CSMD3: variants seen among roughly 807,000 people sequenced by gnomAD.
CSMD3 encodes CUB and Sushi multiple domains 3, also known as CUB and sushi domain-containing protein 3.
A neutral mutation model predicts 435.2 loss-of-function variants in CSMD3; 177 were observed. The observed-to-expected ratio is 0.41, with a 90% CI of 0.36 to 0.46. CSMD3 has a LOEUF of 0.46. CSMD3 is among the 20% of genes least tolerant of loss of function. The pLI is 0.34. For missense variants in CSMD3, 4,265 were observed against 4,504.6 expected, an observed-to-expected ratio of 0.95 and a Z score of 1.52; for synonymous variants, 1,656 against 1,520.5, an observed-to-expected ratio of 1.09 and a Z score of -2.07.
chr8:112,722,338 T>A (rs1337070177), intron 13 of CSMD3, among the ~76,000 whole-genome samples: 4 of 152,170 alleles, frequency 2.6e-5, no homozygotes, highest in Admixed American at 2.6e-4. Context: ...AAACTGGGTA[T>A]ATTGAAAATG....
chr8:112,925,124 T>C (rs576100499), intron 9 of CSMD3, among the ~76,000 whole-genome samples: 13 of 152,286 alleles, frequency 8.5e-5, no homozygotes, highest in African/African-American at 3.1e-4. Flanking sequence ...CTCCCTAACA[T>C]GAACCTTATG....
chr8:113,111,302 A>C (rs895570060), intron 4 of CSMD3, among the ~76,000 whole-genome samples: 5 of 152,200 alleles, frequency 3.3e-5, no homozygotes, highest in Admixed American at 6.5e-5. Flanking sequence ...GGGATAATTA[A>C]ATCAAGCCAA....
chr8:112,936,974 G>A (rs1194546163), intron 9 of CSMD3, among the ~76,000 whole-genome samples: 1 of 151,892 alleles, frequency 6.6e-6, no homozygotes, highest in African/African-American at 2.4e-5. Context: ...TGCAATTACA[G>A]CTTGTTTTCT....
intron 3 of CSMD3, among the ~76,000 whole-genome samples, chr8:113,253,138 G>A (rs1440916798): frequency 6.6e-6 from 1 of 152,044 alleles, no homozygotes; most frequent in East Asian, 1.9e-4. Flanking sequence ...CCAGGACTGA[G>A]ATTGATCCTG....
intron 53 of CSMD3, among the ~76,000 whole-genome samples, chr8:112,296,284 G>T (rs2130719520): frequency 6.6e-6 from 1 of 152,204 alleles, no homozygotes; most frequent in South Asian, 2.1e-4. Context: ...TGGGCACGGT[G>T]GTTCACGCCT....
At chr8:112,935,938 G>A (rs2083269524) in intron 9 of CSMD3, among the ~76,000 whole-genome samples, 1 of 152,054 alleles carries the variant, frequency 6.6e-6, no homozygotes. Flanking sequence ...CATTAGGAAG[G>A]TTTCAGTTGA....
intron 16 of CSMD3, among the ~76,000 whole-genome samples, chr8:112,673,608 C>A (rs1016140967): frequency 1.3e-4 from 20 of 152,172 alleles, no homozygotes; most frequent in Admixed American, 9.8e-4. Context: ...TAATTGCTTC[C>A]TCAAAAGAAC....
At chr8:113,280,163 G>C (rs144587723) in intron 2 of CSMD3, among the ~76,000 whole-genome samples, 9,992 of 151,840 alleles carry the variant, frequency 0.066, 447 homozygotes, top group Non-Finnish European at 0.094. Flanking sequence ...TTTGGTATTA[G>C]GATGATGCTG....
intron 17 of CSMD3, among the ~76,000 whole-genome samples, chr8:112,662,605 A>G (rs1401041481): frequency 6.6e-6 from 1 of 152,228 alleles, no homozygotes; most frequent in East Asian, 1.9e-4. Context: ...TTCAGGACAT[A>G]GGCATGTGCA....
chr8:112,522,947 T>C (rs1025744425), intron 27 of CSMD3, among the ~76,000 whole-genome samples: 12 of 151,928 alleles, frequency 7.9e-5, no homozygotes, highest in African/African-American at 2.7e-4. Context: ...ATATGGATGA[T>C]TACTTGAAGT....
intron 22 of CSMD3, among the ~76,000 whole-genome samples, chr8:112,636,056 C>G (rs1054454325): frequency 6.6e-6 from 1 of 152,186 alleles, no homozygotes; most frequent in Admixed American, 6.6e-5. Flanking sequence ...TACTGATAAT[C>G]ACTAAACAGC....
chr8:112,241,911 A>G (rs867750517), intron 65 of CSMD3, 126 bp from the exon 66 acceptor site: 7 of 759,396 alleles, frequency 9.2e-6, no homozygotes, highest in Non-Finnish European at 1.2e-5. Context: ...GACATTTCAC[A>G]TAGATAGTTT....
At chr8:113,015,926 A>G (rs2086440074) in intron 6 of CSMD3, among the ~76,000 whole-genome samples, 1 of 151,926 alleles carries the variant, frequency 6.6e-6, no homozygotes, top group South Asian at 2.1e-4. Context: ...GAAAAGTTTT[A>G]CTATTTAGGT....
intron 13 of CSMD3, among the ~76,000 whole-genome samples, chr8:112,695,714 G>GAA (rs2076238287): frequency 6.6e-6 from 1 of 152,166 alleles, no homozygotes; most frequent in East Asian, 1.9e-4. Context: ...TCAACATAGT[G>GAA]TTGGAAGTTC....
chr8:112,266,412 C>T (rs1816951710), intron 59 of CSMD3, among the ~76,000 whole-genome samples: 1 of 152,174 alleles, frequency 6.6e-6, no homozygotes, highest in Non-Finnish European at 1.5e-5. Flanking sequence ...CCCAAGGACA[C>T]AAGAAAGAAG....
intron 22 of CSMD3, among the ~76,000 whole-genome samples, chr8:112,612,614 GAC>G (rs747929799): frequency 3.3e-5 from 5 of 151,436 alleles, no homozygotes; most frequent in Non-Finnish European, 7.4e-5. Flanking sequence ...TTCTTCTGAG[GAC>G]ATTTTCTTAA....
At chr8:112,572,215 C>T (rs1247288508) in intron 24 of CSMD3, among the ~76,000 whole-genome samples, 1 of 151,968 alleles carries the variant, frequency 6.6e-6, no homozygotes, top group Non-Finnish European at 1.5e-5. Context: ...TTTGTCTGGA[C>T]TATTATTTTT....
intron 3 of CSMD3, among the ~76,000 whole-genome samples, chr8:113,212,497 T>A (rs546002244): frequency 1.3e-5 from 2 of 152,266 alleles, no homozygotes; most frequent in Non-Finnish European, 2.9e-5. Context: ...ACTACAGCTT[T>A]TCTTTCATGC....
chr8:112,672,799 T>C (rs2075687866), intron 16 of CSMD3, among the ~76,000 whole-genome samples: 1 of 152,146 alleles, frequency 6.6e-6, no homozygotes, highest in Non-Finnish European at 1.5e-5. Context: ...GAGTGCTGGC[T>C]CAATTTTGTC....
Sources: gnomAD v4.1 joint callset for allele counts (sites outside exome capture counted in the v4.1 genomes callset) on GRCh38, gnomAD v4.1.1 for gene constraint, MANE v1.5 for transcripts, NCBI Gene and HGNC (gene_info 2026-07-23, HGNC 2026-07-21) for gene names.